The following SLC24A3 variants were observed in gnomAD, a reference collection of about 807,000 sequenced individuals.
SLC24A3 encodes the protein sodium/potassium/calcium exchanger 3.
Under a neutral mutation model 75.8 loss-of-function variants are expected in SLC24A3, and 28 were observed. That is an observed-to-expected ratio of 0.37 (90% CI 0.27 to 0.51). The LOEUF (loss-of-function observed/expected upper bound fraction) is 0.51. Among genes scored for constraint, SLC24A3 ranks in the 20% least tolerant of loss-of-function variants. SLC24A3 has a pLI of 0.94. For synonymous variants in SLC24A3, 372 were observed against 334.1 expected (o/e 1.11, Z -1.24); for missense variants, 663 against 847.8 (o/e 0.78, Z 2.71).
chr20:19,443,033 G>A (rs2122470921), intron 2 of SLC24A3, among the ~76,000 whole-genome samples: 1 of 152,228 alleles, frequency 6.6e-6, no homozygotes, highest in South Asian at 2.1e-4. Flanking sequence ...GCTTTCTATT[G>A]TGTTCCATTA....
intron 3 of SLC24A3, among the ~76,000 whole-genome samples, chr20:19,529,837 C>T: frequency 6.6e-6 from 1 of 152,176 alleles, no homozygotes; most frequent in East Asian, 1.9e-4. Flanking sequence ...GCGTGTGAAC[C>T]CTCACCAACA....
intron 3 of SLC24A3, among the ~76,000 whole-genome samples, chr20:19,556,849 A>G (rs989293133): frequency 1.3e-5 from 2 of 152,236 alleles, no homozygotes; most frequent in Non-Finnish European, 2.9e-5. Flanking sequence ...TGAGGTCTGC[A>G]GACGGCTTGT....
Position 19,698,665 on chromosome 20 carries a change from G to T in SLC24A3, c.1704G>T (p.Val568=). ...CCTGGGCTCTGCAGACCCTGGCTGT[G>T]GATTACGGATCCTACGTAAGTGGTT... ...GLPWALQTLA[V]DYGSYIRLNS... is the part of the protein sequence containing the mutation. Residue 568 remains valine (V), a synonymous_variant, in exon 15 of 17, where the codon GTG becomes GTT. Coordinates refer to ENST00000328041, the MANE Select transcript of SLC24A3 (RefSeq NM_020689.4). 1.3e-6 allele frequency: 2 copies of T among 1,583,116 alleles called. No homozygotes were observed. The highest frequency in any genetic ancestry group is 1.7e-6 in the Non-Finnish European group (2 of 1,162,172).
chr20:19,297,256 A>T (rs1222255998), intron 2 of SLC24A3, among the ~76,000 whole-genome samples: 1 of 152,240 alleles, frequency 6.6e-6, no homozygotes, highest in Non-Finnish European at 1.5e-5. Flanking sequence ...GCTAAAGTTT[A>T]TCACTTTTTA....
At chr20:19,359,730 T>G (rs1486750196) in intron 2 of SLC24A3, among the ~76,000 whole-genome samples, 1 of 152,140 alleles carries the variant, frequency 6.6e-6, no homozygotes, top group Non-Finnish European at 1.5e-5. Flanking sequence ...GTGTTCTGGC[T>G]CTGCTTTCTG....
At chr20:19,285,821 A>G (rs570686665) in intron 2 of SLC24A3, among the ~76,000 whole-genome samples, 1 of 152,304 alleles carries the variant, frequency 6.6e-6, no homozygotes, top group South Asian at 2.1e-4. Flanking sequence ...GCTAAATGTA[A>G]TATTGAAGAT....
chr20:19,343,047 G>A (rs1474332835), intron 2 of SLC24A3, among the ~76,000 whole-genome samples: 1 of 135,458 alleles, frequency 7.4e-6, no homozygotes, highest in South Asian at 2.4e-4. Flanking sequence ...TCCAGCCTGG[G>A]TGACAGAACG....
intron 8 of SLC24A3, among the ~76,000 whole-genome samples, chr20:19,670,939 A>G (rs2122727050): frequency 6.6e-6 from 1 of 152,298 alleles, no homozygotes; most frequent in South Asian, 2.1e-4. Flanking sequence ...GGATAATGAG[A>G]CACCAGATAC....
At chr20:19,663,665 C>T (rs992519763) in intron 7 of SLC24A3, among the ~76,000 whole-genome samples, 1 of 151,632 alleles carries the variant, frequency 6.6e-6, no homozygotes, top group African/African-American at 2.4e-5. Context: ...TGAACCATAT[C>T]CCCAACCACA....
intron 2 of SLC24A3, among the ~76,000 whole-genome samples, chr20:19,372,733 G>A (rs1440261139): frequency 1.3e-5 from 2 of 152,086 alleles, no homozygotes; most frequent in African/African-American, 4.8e-5. Flanking sequence ...TGATGGAGCG[G>A]GAGGAAAGGG....
intron 4 of SLC24A3, among the ~76,000 whole-genome samples, chr20:19,582,109 T>C (rs540889159): frequency 6.6e-6 from 1 of 152,320 alleles, no homozygotes; most frequent in Admixed American, 6.5e-5. Context: ...CTCACATATA[T>C]TTAGAGATCC....
At chr20:19,562,038 G>T (rs1330414207) in intron 3 of SLC24A3, among the ~76,000 whole-genome samples, 1 of 152,110 alleles carries the variant, frequency 6.6e-6, no homozygotes, top group Non-Finnish European at 1.5e-5. Context: ...ATAACCTCAA[G>T]GAAATTTATT....
At chr20:19,557,169 C>T (rs773759171) in intron 3 of SLC24A3, among the ~76,000 whole-genome samples, 6 of 152,154 alleles carry the variant, frequency 3.9e-5, no homozygotes, top group Non-Finnish European at 8.8e-5. Flanking sequence ...GATATCTTGA[C>T]TTTTCTATGG....
At chr20:19,689,996 A>G (rs1272868394) in intron 12 of SLC24A3, among the ~76,000 whole-genome samples, 1 of 140,116 alleles carries the variant, frequency 7.1e-6, no homozygotes. Flanking sequence ...GCACCACTGC[A>G]CTCCAGCCTG....
At chr20:19,627,079 C>A (rs959325616) in intron 6 of SLC24A3, among the ~76,000 whole-genome samples, 30 of 152,334 alleles carry the variant, frequency 2.0e-4, no homozygotes, top group African/African-American at 7.0e-4. Context: ...ATCAGATTCT[C>A]TTGTTATCTG....
At chr20:19,422,380 T>C (rs1206549421) in intron 2 of SLC24A3, among the ~76,000 whole-genome samples, 1 of 152,004 alleles carries the variant, frequency 6.6e-6, no homozygotes, top group Admixed American at 6.6e-5. Flanking sequence ...ACACAGGTAT[T>C]GTGTGTTGGG....
At chr20:19,561,974 G>A (rs1379360674) in intron 3 of SLC24A3, among the ~76,000 whole-genome samples, 1 of 152,122 alleles carries the variant, frequency 6.6e-6, no homozygotes, top group Admixed American at 6.5e-5. Flanking sequence ...TGTTTTGTAA[G>A]GTGCAGAAGA....
At chr20:19,642,827 A>G (rs6075550) in intron 6 of SLC24A3, among the ~76,000 whole-genome samples, 43,371 of 152,174 alleles carry the variant, frequency 0.29, 7,796 homozygotes, top group Non-Finnish European at 0.4. Context: ...TAGTCACCCA[A>G]TTCTCTCAGC....
At chr20:19,216,628 A>G (rs1981565043) in intron 1 of SLC24A3, among the ~76,000 whole-genome samples, 1 of 152,140 alleles carries the variant, frequency 6.6e-6, no homozygotes, top group Admixed American at 6.5e-5. Flanking sequence ...AAAAAAGGAA[A>G]AAAAGAAAAA....
Sources: gnomAD v4.1 joint callset for allele counts (sites outside exome capture counted in the v4.1 genomes callset) on GRCh38, gnomAD v4.1.1 for gene constraint, MANE v1.5 for transcripts, NCBI Gene and HGNC (gene_info 2026-07-23, HGNC 2026-07-21) for gene names.